The following CSNK1D variants were observed in gnomAD, a reference collection of about 807,000 sequenced individuals.
CSNK1D encodes casein kinase I isoform delta.
Under a neutral mutation model 46.6 loss-of-function variants are expected in CSNK1D, and 16 were observed. The observed-to-expected ratio is 0.34, with a 90% CI of 0.23 to 0.52. The LOEUF is 0.52. Among genes scored for constraint, CSNK1D ranks in the 20% least tolerant of loss-of-function variants. The probability of loss-of-function intolerance (pLI) is 0.95; values close to 1 mark genes in which losing one functional copy is unlikely to be tolerated. For missense variants in CSNK1D, 398 were observed against 578.4 expected (o/e 0.69, Z 3.20); for synonymous variants, 276 against 228.2 (o/e 1.21, Z -1.89).
In CSNK1D at chr17:82,251,444, G is replaced by A. The variant is rs2051005877; in HGVS notation, c.820C>T (p.Arg274Trp). The A allele has an allele frequency of 6.2e-7, 1 of 1,614,138 alleles. No individual in the cohort carries two copies. Among genetic ancestry groups the A allele is most frequent in the Non-Finnish European group, 8.5e-7 (1 of 1,180,024 alleles). Residue 274 changes from arginine to tryptophan, a missense_variant, in exon 6 of 9, where the codon CGG becomes TGG. Coordinates refer to ENST00000314028, the MANE Select transcript of CSNK1D (RefSeq NM_001893.6). This position sits in a 1 kb window ranked among gnomAD's most constrained non-coding sequence, Gnocchi z 4.5. The part of the protein sequence containing the change: ...PDYSYLRQLF[R>W]NLFHRQGFSY... ...AAGCCCTGGCGATGGAACAGATTCC[G>A]GAAAAGCTGCCGCAGGTACGAGTAG...
In CSNK1D at chr17:82,251,592, A is replaced by G. The variant is rs1221017223; in HGVS notation, c.737-65T>C. 7.7e-6 allele frequency: 12 copies of G among 1,553,400 alleles called. No individual in the cohort carries two copies. The highest frequency in any genetic ancestry group is 1.1e-5 in the Non-Finnish European group (12 of 1,130,898). ...ACTGCGACTCAAGGTGTCTCTGCCA[A>G]CGTCGCTGTCTACCTCCTGCTGCTG... is the stretch of plus-strand genomic sequence containing the variant. On this transcript the variant is annotated intron_variant, in intron 5 of 8. Transcript: ENST00000314028. The surrounding 1 kb of genome is among the most constrained non-coding windows in gnomAD (Gnocchi z 4.5).
chr17:82,251,221 C>A lies in CSNK1D; in HGVS notation c.885+158G>T. ...GGCACCCCTTTCTGGCAGGCAGACA[C>A]CCACTCAGTCCAGGTCCTGCCCACT... On this transcript the variant is annotated intron_variant, in intron 6 of 8. Transcript: ENST00000314028. This position sits in a 1 kb window ranked among gnomAD's most constrained non-coding sequence, Gnocchi z 4.5. 1.2e-6 allele frequency: 1 copy of A among 817,956 alleles called. No individual in the cohort carries two copies. The highest frequency in any genetic ancestry group is 2.0e-6 in the Non-Finnish European group (1 of 504,450). 50.7% of individuals were successfully genotyped at this position (817,956 alleles called of 1,614,324 possible). A position where few individuals can be genotyped will look rare whatever the true frequency, so the allele number is the denominator to read the frequency against.
chr17:82,273,650 G>T lies in CSNK1D; in HGVS notation c.-269C>A. Reference sequence around the variant, plus strand: ...CGCCGCGGATGGACTCGGATCTTCCGGGCCTAAATCCCCTTTCAGCTGCCT... The same window carrying T: ...CGCCGCGGATGGACTCGGATCTTCCTGGCCTAAATCCCCTTTCAGCTGCCT... On this transcript the variant is annotated 5_prime_UTR_variant, in exon 1 of 9. Coordinates refer to ENST00000314028, the MANE Select transcript of CSNK1D (RefSeq NM_001893.6). The surrounding 1 kb of genome is among the most constrained non-coding windows in gnomAD (Gnocchi z 5.1). 1.8e-6 allele frequency: 1 copy of T among 549,036 alleles called. No individual in the cohort carries two copies. Among genetic ancestry groups the T allele is most frequent in the East Asian group, 3.3e-5 (1 of 30,414 alleles). 34.0% of individuals were successfully genotyped at this position (549,036 alleles called of 1,614,324 possible). A position where few individuals can be genotyped will look rare whatever the true frequency, so the allele number is the denominator to read the frequency against.
At chr17:82,269,629 G>A (rs1472457372) in intron 1 of CSNK1D, among the ~76,000 whole-genome samples, 2 of 152,226 alleles carry the variant, frequency 1.3e-5, no homozygotes, top group Non-Finnish European at 2.9e-5. Context: ...TGGTGCGATG[G>A]GATCAAGTAC....
At position 82,251,492 on chromosome 17, in the gene CSNK1D, A is replaced by C; in HGVS notation, c.772T>G (p.Leu258Val). ...FATYLNFCRS[L>V]RFDDKPDYSY... ...TAGTCAGGCTTGTCGTCAAAACGCA[A>C]GGAACGGCAGAAATTCAGGTATGTG... The change falls in exon 6 of 9, where the codon TTG becomes GTG. Residue 258 changes from leucine to valine, a missense_variant. Physicochemically the swap from Leu to Val is conservative, Grantham distance 32. This residue lies in a region of CSNK1D where 217 missense variants were observed against 370.3 expected (regional missense o/e 0.59). Transcript: ENST00000314028. This position sits in a 1 kb window ranked among gnomAD's most constrained non-coding sequence, Gnocchi z 4.5. The C allele has an allele frequency of 6.2e-7, 1 of 1,614,146 alleles. No homozygotes were observed. The highest frequency in any genetic ancestry group is 1.1e-5 in the South Asian group (1 of 91,086).
intron 2 of CSNK1D, among the ~76,000 whole-genome samples, chr17:82,257,780 T>C (rs1440664059): frequency 1.3e-5 from 2 of 152,240 alleles, no homozygotes; most frequent in Non-Finnish European, 2.9e-5. Context: ...GAGCACAGCA[T>C]GCGTGACATT....
chr17:82,241,584 G>A (rs1289284304), downstream of CSNK1D, among the ~76,000 whole-genome samples: 1 of 152,256 alleles, frequency 6.6e-6, no homozygotes, highest in Non-Finnish European at 1.5e-5. Context: ...GCAGGAACTG[G>A]AACTTGGGTC....
rs780379946 is a variant in CSNK1D, at chr17:82,250,114, G to C, written c.886-512C>G. The C allele has an allele frequency of 2.3e-6, 3 of 1,290,684 alleles. No individual in the cohort carries two copies. Among genetic ancestry groups the C allele is most frequent in the Non-Finnish European group, 3.0e-6 (3 of 989,568 alleles). The allele number at this position is 1,290,684 out of a possible 1,614,324, so 80.0% of individuals were successfully genotyped here. A position where few individuals can be genotyped will look rare whatever the true frequency, so the allele number is the denominator to read the frequency against. ...GTGGCGTGGCCAGCAGCCGGCAGCC[G>C]GATCTGTGCTGCACTATCCAGATGC... On this transcript the variant is annotated intron_variant, in intron 6 of 8. Transcript: ENST00000314028. The surrounding 1 kb of genome is among the most constrained non-coding windows in gnomAD (Gnocchi z 4.6).
chr17:82,240,786 G>C (rs73366225), downstream of CSNK1D, among the ~76,000 whole-genome samples: 373 of 152,296 alleles, frequency 2.4e-3, 3 homozygotes, highest in African/African-American at 8.7e-3. Context: ...GCTTGGTTGG[G>C]GGCACAGGAC....
At chr17:82,259,714 G>A (rs2051274362) in intron 2 of CSNK1D, among the ~76,000 whole-genome samples, 1 of 152,232 alleles carries the variant, frequency 6.6e-6, no homozygotes, top group Non-Finnish European at 1.5e-5. Context: ...CGAAGCTACT[G>A]TATACAGCTA....
downstream of CSNK1D, chr17:82,239,486 G>A (rs899642506): frequency 1.2e-5 from 2 of 169,086 alleles, no homozygotes; most frequent in Admixed American, 1.3e-4. Flanking sequence ...AGGACCAACG[G>A]TTTCCTAGGA....
downstream of CSNK1D, among the ~76,000 whole-genome samples, chr17:82,241,118 T>TGGGGTG (rs1310784522): frequency 8.3e-6 from 1 of 121,070 alleles, no homozygotes; most frequent in Non-Finnish European, 1.8e-5. Flanking sequence ...CACTGCTACT[T>TGGGGTG]GGGGTGGGGG....
chr17:82,239,387 G>A (rs993103684), downstream of CSNK1D: 9 of 183,402 alleles, frequency 4.9e-5, no homozygotes, highest in Admixed American at 6.2e-5. Flanking sequence ...GGCTCACATG[G>A]GGCCTGTGCC....
downstream of CSNK1D, among the ~76,000 whole-genome samples, chr17:82,242,407 G>A (rs958544218): frequency 2.6e-5 from 4 of 152,180 alleles, no homozygotes; most frequent in African/African-American, 7.2e-5. Context: ...GGACTCTCCA[G>A]AACCGTCACA....
Position 82,273,206 on chromosome 17 carries a change from G to A in CSNK1D, c.76+100C>T. 4 of 1,227,752 alleles carry A rather than the reference G, an allele frequency of 3.3e-6. No homozygotes were observed. Among genetic ancestry groups the A allele is most frequent in the Non-Finnish European group, 3.4e-6 (3 of 876,030 alleles). The allele number at this position is 1,227,752 out of a possible 1,614,324, so 76.1% of individuals were successfully genotyped here. A position where few individuals can be genotyped will look rare whatever the true frequency, so the allele number is the denominator to read the frequency against. Reference sequence around the variant, plus strand: ...CCGGCGGTGCCGGGACTTGCGCGGAGACCCCGCGGGGGCCACCACTTCCTT... The same window carrying A: ...CCGGCGGTGCCGGGACTTGCGCGGAAACCCCGCGGGGGCCACCACTTCCTT... On this transcript the variant is annotated intron_variant, in intron 1 of 8. Transcript: ENST00000314028. The surrounding 1 kb of genome is among the most constrained non-coding windows in gnomAD (Gnocchi z 5.1).
chr17:82,264,587 C>T (rs1489242490), intron 2 of CSNK1D, among the ~76,000 whole-genome samples: 2 of 152,148 alleles, frequency 1.3e-5, no homozygotes, highest in Non-Finnish European at 2.9e-5. Context: ...GTTCAAAACC[C>T]TTGTTTTGCT....
In CSNK1D at chr17:82,248,949, G is replaced by A. The variant is rs1230079982; in HGVS notation, c.1123C>T (p.Arg375Cys). 1.9e-6 allele frequency: 3 copies of A among 1,598,076 alleles called. No homozygotes were observed. Among genetic ancestry groups the A allele is most frequent in the East Asian group, 2.3e-5 (1 of 44,092 alleles). ...GAGGAGATGTTGACGGGGGCCCCGC[G>A]GTGCAGCCGCATACTCACTTTCCGC... ...RERKVSMRLHRGAPVNISSSD... is the reference protein window; with the variant it reads ...RERKVSMRLHCGAPVNISSSD... The change falls in exon 8 of 9, where the codon CGC (arginine) becomes TGC (cysteine). Residue 375 changes from arginine to cysteine, a missense_variant. Physicochemically the swap from Arg to Cys is radical, Grantham distance 180. This residue lies in a region of CSNK1D where 181 missense variants were observed against 208.0 expected (regional missense o/e 0.87). Coordinates refer to ENST00000314028, the MANE Select transcript of CSNK1D (RefSeq NM_001893.6). The surrounding 1 kb of genome is among the most constrained non-coding windows in gnomAD (Gnocchi z 4.1).
chr17:82,250,951 C>A lies in CSNK1D; in HGVS notation c.885+428G>T, dbSNP rs2050990465. The A allele has an allele frequency of 3.7e-6, 1 of 272,922 alleles. No individual in the cohort carries two copies. The highest frequency in any genetic ancestry group is 5.0e-5 in the Admixed American group (1 of 19,860). 16.9% of individuals were successfully genotyped at this position (272,922 alleles called of 1,614,324 possible). On this transcript the variant is annotated intron_variant, in intron 6 of 8. Transcript: ENST00000314028. The surrounding 1 kb of genome is among the most constrained non-coding windows in gnomAD (Gnocchi z 4.6). Reference sequence around the variant, plus strand: ...AAGAAAGCCACAGGGAAAATCAGCTCATGACAGGGTCAGTCAGGCTAGACG... The same window carrying A: ...AAGAAAGCCACAGGGAAAATCAGCTAATGACAGGGTCAGTCAGGCTAGACG...
Position 82,273,277 on chromosome 17 carries a change from G to A in CSNK1D, c.76+29C>T, listed in dbSNP as rs567908245. 329 of 1,593,798 alleles carry A rather than the reference G, an allele frequency of 2.1e-4. 2 individuals carry two copies. In the South Asian group the frequency reaches 2.4e-3, roughly 12 times the overall value. ...GGCAGCCGCAGGGCCCGGGTCTTCG[G>A]GCGGCGGGCGGGGGCGGCGGGGCCT... On this transcript the variant is annotated intron_variant, in intron 1 of 8. Coordinates refer to ENST00000314028, the MANE Select transcript of CSNK1D (RefSeq NM_001893.6). This position sits in a 1 kb window ranked among gnomAD's most constrained non-coding sequence, Gnocchi z 5.1.
Sources: allele counts gnomAD v4.1 joint callset (sites outside exome capture counted in the v4.1 genomes callset), GRCh38; gene constraint gnomAD v4.1.1; regional missense constraint gnomAD v4.1.1; non-coding constraint Gnocchi (gnomAD v3.1); transcripts MANE v1.5; gene names NCBI Gene and HGNC (gene_info 2026-07-23, HGNC 2026-07-21).